Variants in DIAPH2 observed in about 807,000 individuals in gnomAD.
The protein encoded by DIAPH2 is protein diaphanous homolog 2.
In DIAPH2, 35 loss-of-function variants were observed where a neutral mutation model predicts 92.7. The ratio of observed to expected loss-of-function variants is 0.38; its 90% CI spans 0.29 to 0.50. The LOEUF is 0.50. DIAPH2 is among the 20% of genes least tolerant of loss of function. DIAPH2 has a pLI of 0.94. For synonymous variants in DIAPH2, 301 were observed against 280.4 expected, an observed-to-expected ratio of 1.07 and a Z score of -0.73; for missense variants, 701 against 819.5, an observed-to-expected ratio of 0.86 and a Z score of 1.77.
At chrX:96,961,397 C>CTTTT (rs2065846732) in intron 16 of DIAPH2, among the ~76,000 whole-genome samples, 1 of 89,736 alleles carries the variant, frequency 1.1e-5, no homozygotes. Context: ...TTATTTAGGT[C>CTTTT]TTTCTTTTTT....
intron 15 of DIAPH2, among the ~76,000 whole-genome samples, chrX:96,950,484 G>T (rs1439084797): frequency 9.0e-6 from 1 of 110,907 alleles, no homozygotes; most frequent in African/African-American, 3.3e-5. Context: ...CCTTTTCCCT[G>T]CCCCACCCAC....
chrX:97,004,718 C>T (rs979295237), intron 17 of DIAPH2, among the ~76,000 whole-genome samples: 15 of 111,832 alleles, frequency 1.3e-4, no homozygotes, highest in Non-Finnish European at 2.3e-4. Context: ...TTAGGTTTTT[C>T]CAAATATAAA....
intron 5 of DIAPH2, among the ~76,000 whole-genome samples, chrX:96,903,724 G>T (rs2065414723): frequency 1.8e-5 from 2 of 111,615 alleles, no homozygotes; most frequent in African/African-American, 6.5e-5. Flanking sequence ...TTTGGAACAA[G>T]ACCTTCTCTT....
At chrX:96,743,915 T>C (rs1297811026) in intron 3 of DIAPH2, among the ~76,000 whole-genome samples, 2 of 112,080 alleles carry the variant, frequency 1.8e-5, no homozygotes, top group Admixed American at 1.9e-4. Context: ...ACAGTGAGTA[T>C]ATACTTCAAA....
intron 5 of DIAPH2, among the ~76,000 whole-genome samples, chrX:96,895,578 C>T (rs1238707045): frequency 8.9e-6 from 1 of 111,810 alleles, no homozygotes; most frequent in African/African-American, 3.2e-5. Flanking sequence ...AGGATCTTGG[C>T]TCTGATCCTT....
chrX:97,592,850 G>A (rs978450701), intron 26 of DIAPH2, among the ~76,000 whole-genome samples: 1 of 111,580 alleles, frequency 9.0e-6, no homozygotes, highest in South Asian at 3.7e-4. Context: ...TACCATCCTC[G>A]TTAAAATAAC....
At chrX:96,914,477 G>C in intron 7 of DIAPH2, among the ~76,000 whole-genome samples, 1 of 111,354 alleles carries the variant, frequency 9.0e-6, no homozygotes, top group Non-Finnish European at 1.9e-5. Context: ...CTAATAAGTT[G>C]TGTGGCCTTT....
chrX:97,304,986 C>T (rs2068734094), intron 23 of DIAPH2, among the ~76,000 whole-genome samples: 2 of 111,611 alleles, frequency 1.8e-5, no homozygotes, highest in Admixed American at 1.9e-4. Context: ...CTGAAGCACA[C>T]CTTGATAGAA....
chrX:97,567,921 C>T (rs1009679331), intron 26 of DIAPH2, among the ~76,000 whole-genome samples: 3 of 108,098 alleles, frequency 2.8e-5, no homozygotes, highest in Non-Finnish European at 3.8e-5. Context: ...TCGAGACAAG[C>T]GTGACCAACA....
intron 23 of DIAPH2, among the ~76,000 whole-genome samples, chrX:97,271,890 G>A (rs1237132193): frequency 9.2e-6 from 1 of 108,895 alleles, no homozygotes; most frequent in Non-Finnish European, 1.9e-5. Flanking sequence ...TATACACACT[G>A]TATTTTATAT....
At chrX:96,984,839 A>G (rs2066020911) in intron 17 of DIAPH2, among the ~76,000 whole-genome samples, 2 of 111,578 alleles carry the variant, frequency 1.8e-5, no homozygotes, top group African/African-American at 6.5e-5. Flanking sequence ...GTTGATTCAT[A>G]TGGTATTTGT....
At chrX:96,759,085 TAC>T (rs771089744) in intron 4 of DIAPH2, among the ~76,000 whole-genome samples, 25 of 110,789 alleles carry the variant, frequency 2.3e-4, no homozygotes, top group Non-Finnish European at 4.4e-4. Flanking sequence ...TATATATGTA[TAC>T]ACACACAGTG....
chrX:97,286,296 G>A (rs1372413052), intron 23 of DIAPH2, among the ~76,000 whole-genome samples: 2 of 109,656 alleles, frequency 1.8e-5, no homozygotes, highest in Admixed American at 2.0e-4. Flanking sequence ...TGATCTGCCC[G>A]CCTCAGCCTC....
chrX:97,585,610 A>G (rs1339711066), intron 26 of DIAPH2, among the ~76,000 whole-genome samples: 1 of 109,415 alleles, frequency 9.1e-6, no homozygotes, highest in Non-Finnish European at 1.9e-5. Flanking sequence ...ATTGAGGGTG[A>G]TGGTTTCAGC....
chrX:96,846,577 A>G (rs1291186243), intron 4 of DIAPH2, among the ~76,000 whole-genome samples: 1 of 112,442 alleles, frequency 8.9e-6, no homozygotes, highest in Non-Finnish European at 1.9e-5. Flanking sequence ...CACTTAGTCC[A>G]CTTTCTCATT....
intron 22 of DIAPH2, among the ~76,000 whole-genome samples, chrX:97,162,100 ATAT>A (rs758276727): frequency 9.0e-6 from 1 of 111,159 alleles, no homozygotes; most frequent in South Asian, 3.9e-4. Context: ...TATTACCTTA[ATAT>A]TATCAATTTC....
chrX:97,097,291 G>A (rs2066875981), intron 19 of DIAPH2, among the ~76,000 whole-genome samples: 1 of 111,993 alleles, frequency 8.9e-6, no homozygotes. Context: ...AGAGCAATAT[G>A]TACTATTGTA....
At chrX:97,031,125 G>A (rs1346914445) in intron 17 of DIAPH2, among the ~76,000 whole-genome samples, 1 of 110,608 alleles carries the variant, frequency 9.0e-6, no homozygotes, top group East Asian at 2.8e-4. Context: ...ACCCTTTGCA[G>A]CATTTCTCAG....
At chrX:97,319,285 G>A (rs1437538179) in intron 23 of DIAPH2, among the ~76,000 whole-genome samples, 2 of 111,995 alleles carry the variant, frequency 1.8e-5, no homozygotes. Flanking sequence ...GAAGTTATAA[G>A]GTAATAAATC....
Sources: allele counts gnomAD v4.1 joint callset (sites outside exome capture counted in the v4.1 genomes callset), GRCh38; gene constraint gnomAD v4.1.1; transcripts MANE v1.5; gene names NCBI Gene and HGNC (gene_info 2026-07-23, HGNC 2026-07-21).